The following ZFAND3 variants were observed in gnomAD, a reference collection of about 807,000 sequenced individuals.
The protein encoded by ZFAND3 is AN1-type zinc finger protein 3.
ZFAND3 carries 10 observed loss-of-function variants against 29.6 expected under a neutral mutation model. The observed-to-expected ratio is 0.34, with a 90% CI of 0.21 to 0.57. ZFAND3 has a LOEUF of 0.57. ZFAND3 is among the 20% of genes least tolerant of loss of function. The pLI, the probability that ZFAND3 is intolerant of heterozygous loss-of-function variation, is 0.86. For synonymous variants in ZFAND3, 128 were observed against 112.6 expected, an observed-to-expected ratio of 1.14 and a Z score of -0.87; for missense variants, 230 against 304.5, an observed-to-expected ratio of 0.76 and a Z score of 1.82.
At position 37,889,477 on chromosome 6, in the gene ZFAND3, G is replaced by C. The variant is rs186351240; in HGVS notation, c.72-40482G>C. ...TAAATGGGGATTTTATTAGTGAGAA[G>C]GATGGAGTAATAGCTAGGTATGTTA... On this transcript the variant is annotated intron_variant, in intron 1 of 5. Transcript: ENST00000287218. Among the ~76,000 whole-genome samples the C allele has an allele frequency of 1.8e-3, 277 of 152,316 alleles. 2 individuals are homozygous for C. The highest frequency in any genetic ancestry group is 6.4e-3 in the African/African-American group (268 of 41,564).
At chr6:38,151,908 T>C (rs1212423885) in intron 5 of ZFAND3, among the ~76,000 whole-genome samples, 4 of 152,142 alleles carry the variant, frequency 2.6e-5, no homozygotes, top group South Asian at 2.1e-4. Flanking sequence ...GCCTGTGCTC[T>C]TCCGCCTGCA....
chr6:38,020,101 A>C (rs1409622182), intron 2 of ZFAND3, among the ~76,000 whole-genome samples: 1 of 152,234 alleles, frequency 6.6e-6, no homozygotes, highest in African/African-American at 2.4e-5. Context: ...CTGTAGATCC[A>C]GGCACATGGG....
intron 2 of ZFAND3, among the ~76,000 whole-genome samples, chr6:38,027,074 A>G (rs1302201419): frequency 6.6e-6 from 1 of 152,224 alleles, no homozygotes; most frequent in African/African-American, 2.4e-5. Flanking sequence ...TCAAGAGCCT[A>G]CAGGGCTCTA....
At position 38,032,633 on chromosome 6, in the gene ZFAND3, C is replaced by G. The variant is rs141781175; in HGVS notation, c.113-28960C>G. Reference sequence around the variant, plus strand: ...AAGGGCATTTGATAAATATCTTCATCTCTTTATTAAAAGCTAACATTAAGA... The same window carrying G: ...AAGGGCATTTGATAAATATCTTCATGTCTTTATTAAAAGCTAACATTAAGA... On this transcript the variant is annotated intron_variant, in intron 2 of 5. Coordinates refer to ENST00000287218, the MANE Select transcript of ZFAND3 (RefSeq NM_021943.3). 5.0e-3 allele frequency among the ~76,000 whole-genome samples: 760 copies of G among 152,258 alleles called. 9 individuals are homozygous for G. Among genetic ancestry groups the G allele is most frequent in the African/African-American group, 0.017 (702 of 41,550 alleles).
chr6:38,003,901 C>A, intron 2 of ZFAND3: 1 of 353,320 alleles, frequency 2.8e-6, no homozygotes, highest in Non-Finnish European at 5.7e-6. Flanking sequence ...TTGCTCTAAC[C>A]TGCTGCCATC....
intron 2 of ZFAND3, among the ~76,000 whole-genome samples, chr6:38,005,583 A>G (rs1208069997): frequency 1.3e-5 from 2 of 152,190 alleles, no homozygotes; most frequent in Non-Finnish European, 2.9e-5. Context: ...CACTTGGGCA[A>G]GTCATTTGAG....
intron 2 of ZFAND3, among the ~76,000 whole-genome samples, chr6:37,977,433 C>T (rs2127430913): frequency 6.6e-6 from 1 of 152,276 alleles, no homozygotes; most frequent in African/African-American, 2.4e-5. Flanking sequence ...TCCCGAGTAG[C>T]TAGGATTACA....
At chr6:38,143,670 C>G (rs1296509109) in intron 5 of ZFAND3, among the ~76,000 whole-genome samples, 1 of 152,236 alleles carries the variant, frequency 6.6e-6, no homozygotes, top group Non-Finnish European at 1.5e-5. Flanking sequence ...AGCAGACAGA[C>G]TGATGCCCAG....
At chr6:37,970,869 C>T (rs1330546350) in intron 2 of ZFAND3, among the ~76,000 whole-genome samples, 1 of 152,208 alleles carries the variant, frequency 6.6e-6, no homozygotes, top group Non-Finnish European at 1.5e-5. Flanking sequence ...CGCACCACTG[C>T]ACTCCAGCCT....
intron 1 of ZFAND3, among the ~76,000 whole-genome samples, chr6:37,892,740 A>C (rs1394691352): frequency 6.6e-6 from 1 of 152,216 alleles, no homozygotes; most frequent in Non-Finnish European, 1.5e-5. Flanking sequence ...AGCGAGACTC[A>C]ATTAGCAGAA....
intron 3 of ZFAND3, among the ~76,000 whole-genome samples, chr6:38,074,248 A>G (rs139046438): frequency 1.1e-3 from 174 of 152,338 alleles, no homozygotes; most frequent in Non-Finnish European, 2.0e-3. Flanking sequence ...AGATATAGAC[A>G]TGAAAATCCA....
At chr6:37,882,815 T>G (rs756580826) in intron 1 of ZFAND3, among the ~76,000 whole-genome samples, 1 of 152,250 alleles carries the variant, frequency 6.6e-6, no homozygotes, top group Non-Finnish European at 1.5e-5. Context: ...GTCTGTTCAC[T>G]GTGGGACTTT....
intron 2 of ZFAND3, among the ~76,000 whole-genome samples, chr6:37,948,366 G>A (rs1761938011): frequency 6.6e-6 from 1 of 152,146 alleles, no homozygotes; most frequent in Non-Finnish European, 1.5e-5. Context: ...TGCAGATAAT[G>A]TTATTTGTTG....
chr6:37,995,829 TA>T (rs1330959516), intron 2 of ZFAND3, among the ~76,000 whole-genome samples: 1 of 152,060 alleles, frequency 6.6e-6, no homozygotes, highest in Non-Finnish European at 1.5e-5. Flanking sequence ...AAACGAAATT[TA>T]AAACAGTGAG....
At chr6:37,956,295 G>A (rs768751814) in intron 2 of ZFAND3, among the ~76,000 whole-genome samples, 76 of 152,286 alleles carry the variant, frequency 5.0e-4, no homozygotes, top group South Asian at 1.2e-3. Flanking sequence ...GATTTAGGAG[G>A]CATGAGGTGG....
intron 1 of ZFAND3, among the ~76,000 whole-genome samples, chr6:37,875,864 T>A (rs1390273986): frequency 1.3e-5 from 2 of 151,782 alleles, no homozygotes; most frequent in African/African-American, 4.8e-5. Context: ...AAAGATGAAA[T>A]CTTACTATGT....
At chr6:38,137,940 A>G (rs1217583491) in intron 5 of ZFAND3, among the ~76,000 whole-genome samples, 1 of 152,168 alleles carries the variant, frequency 6.6e-6, no homozygotes, top group East Asian at 1.9e-4. Context: ...CTTTGCAAAG[A>G]ATCTGATTAT....
intron 1 of ZFAND3, among the ~76,000 whole-genome samples, chr6:37,823,455 G>C (rs259721): frequency 0.63 from 96,368 of 152,080 alleles, 31,317 homozygotes; most frequent in African/African-American, 0.75. Flanking sequence ...CTGCTCTTTC[G>C]AGTGACTTAG....
chr6:38,088,714 T>A (rs947937943), intron 4 of ZFAND3, among the ~76,000 whole-genome samples: 2 of 152,214 alleles, frequency 1.3e-5, no homozygotes, highest in Non-Finnish European at 2.9e-5. Context: ...CCAGCACATA[T>A]GTTGAGTAGA....
Sources: gnomAD v4.1 joint callset for allele counts (sites outside exome capture counted in the v4.1 genomes callset) on GRCh38, gnomAD v4.1.1 for gene constraint, MANE v1.5 for transcripts, NCBI Gene and HGNC (gene_info 2026-07-23, HGNC 2026-07-21) for gene names.